Variants in TAFA2 observed in about 807,000 individuals in gnomAD.
TAFA2 encodes TAFA chemokine like family member 2.
A neutral mutation model predicts 18.8 loss-of-function variants in TAFA2; 7 were observed. That is an observed-to-expected ratio of 0.37 (90% confidence interval 0.21 to 0.70). TAFA2 has a LOEUF of 0.70. TAFA2 is among the 30% of genes least tolerant of loss of function. The probability of loss-of-function intolerance (pLI) is 0.53; values close to 1 mark genes in which losing one functional copy is unlikely to be tolerated. For missense variants in TAFA2, 122 were observed against 158.1 expected (o/e 0.77, Z 1.23); for synonymous variants, 60 against 54.2 (o/e 1.11, Z -0.47).
At chr12:62,156,997 G>A (rs1453874589) in intron 1 of TAFA2, among the ~76,000 whole-genome samples, 1 of 151,988 alleles carries the variant, frequency 6.6e-6, no homozygotes, top group Admixed American at 6.6e-5. Context: ...TATTTGCCTT[G>A]GATGACTAAA....
chr12:62,150,763 A>T (rs1362234749), intron 1 of TAFA2, among the ~76,000 whole-genome samples: 1 of 151,990 alleles, frequency 6.6e-6, no homozygotes. Context: ...AAACTTCGCC[A>T]GGCATGGTGG....
At chr12:61,804,270 C>T (rs1458551068) in intron 2 of TAFA2, among the ~76,000 whole-genome samples, 1 of 152,014 alleles carries the variant, frequency 6.6e-6, no homozygotes, top group East Asian at 1.9e-4. Flanking sequence ...GTCCATTTCA[C>T]TATTACTGTT....
chr12:61,963,543 GT>G (rs1878963359), intron 1 of TAFA2, among the ~76,000 whole-genome samples: 1 of 151,916 alleles, frequency 6.6e-6, no homozygotes, highest in African/African-American at 2.4e-5. Context: ...TGATGGGGTT[GT>G]TTAGGGTTTT....
rs187410517 is a variant in TAFA2 at position 62,083,105 on chromosome 12, C to T, written c.-2+108154G>A. Among the ~76,000 whole-genome samples, 12 of 151,970 alleles carry T rather than the reference C, an allele frequency of 7.9e-5. 1 individual carries two copies. Among genetic ancestry groups the T allele is most frequent in the Admixed American group, 6.6e-4 (10 of 15,238 alleles). On this transcript the variant is annotated intron_variant, in intron 1 of 4. Coordinates refer to ENST00000416284, the MANE Select transcript of TAFA2 (RefSeq NM_178539.5). ...GCTTTTAACCAGTAGGCTCTGTTACCCAGTAAATATTTGCTGAGCATCTTC... is the reference window on the plus strand; with the variant it reads ...GCTTTTAACCAGTAGGCTCTGTTACTCAGTAAATATTTGCTGAGCATCTTC...
chr12:62,003,523 G>A (rs570436147), intron 1 of TAFA2, among the ~76,000 whole-genome samples: 6 of 152,216 alleles, frequency 3.9e-5, no homozygotes, highest in African/African-American at 1.4e-4. Context: ...GCTTCTGAAT[G>A]TGGCTTACTC....
At chr12:62,111,567 G>C (rs1869732328) in intron 1 of TAFA2, among the ~76,000 whole-genome samples, 1 of 152,148 alleles carries the variant, frequency 6.6e-6, no homozygotes, top group Admixed American at 6.5e-5. Context: ...TCATTGATCT[G>C]TCTAATACTG....
At chr12:62,092,319 C>G (rs1369464012) in intron 1 of TAFA2, among the ~76,000 whole-genome samples, 1 of 151,962 alleles carries the variant, frequency 6.6e-6, no homozygotes, top group South Asian at 2.1e-4. Context: ...CTTCTATTAC[C>G]CCATTTCTCT....
intron 1 of TAFA2, among the ~76,000 whole-genome samples, chr12:62,198,785 C>T (rs2062659478): frequency 6.6e-6 from 1 of 152,186 alleles, no homozygotes; most frequent in African/African-American, 2.4e-5. Flanking sequence ...CTTATGCTAT[C>T]CCCATCCCCT....
At chr12:62,054,977 T>A (rs1882149867) in intron 1 of TAFA2, among the ~76,000 whole-genome samples, 1 of 152,232 alleles carries the variant, frequency 6.6e-6, no homozygotes, top group Admixed American at 6.5e-5. Flanking sequence ...CTATAGACAA[T>A]GTTTGTATCC....
At chr12:62,021,613 C>T (rs1881142647) in intron 1 of TAFA2, 1 of 1,084,632 alleles carries the variant, frequency 9.2e-7, no homozygotes, top group Non-Finnish European at 1.4e-6. Context: ...TTCTGGCTTC[C>T]CACCCTTCTG....
chr12:62,133,621 A>G (rs78630834), intron 1 of TAFA2, among the ~76,000 whole-genome samples: 2,758 of 152,156 alleles, frequency 0.018, 79 homozygotes, highest in African/African-American at 0.061. Flanking sequence ...TTGCTTACAA[A>G]TGAAAGTTCT....
At chr12:61,731,416 T>C (rs1440757764) in intron 4 of TAFA2, among the ~76,000 whole-genome samples, 4 of 152,144 alleles carry the variant, frequency 2.6e-5, no homozygotes, top group African/African-American at 9.6e-5. Flanking sequence ...TGCAAGTTAG[T>C]CCTACCTCCT....
At chr12:61,962,371 G>A (rs192926852) in intron 1 of TAFA2, among the ~76,000 whole-genome samples, 1 of 151,870 alleles carries the variant, frequency 6.6e-6, no homozygotes, top group Admixed American at 6.6e-5. Context: ...GTGCTCAAAT[G>A]CATGTAACTA....
chr12:61,910,160 T>A (rs1876548607), intron 1 of TAFA2, among the ~76,000 whole-genome samples: 1 of 151,294 alleles, frequency 6.6e-6, no homozygotes, highest in African/African-American at 2.4e-5. Context: ...GTTATGCTAA[T>A]CCATCTAACC....
intron 1 of TAFA2, among the ~76,000 whole-genome samples, chr12:62,082,274 T>C (rs910210479): frequency 2.0e-5 from 3 of 152,238 alleles, no homozygotes; most frequent in African/African-American, 7.2e-5. Flanking sequence ...TGTATCTTTA[T>C]AATAGAACAA....
At chr12:61,855,577 T>C (rs1465054302) in intron 2 of TAFA2, among the ~76,000 whole-genome samples, 1 of 152,204 alleles carries the variant, frequency 6.6e-6, no homozygotes, top group Non-Finnish European at 1.5e-5. Flanking sequence ...ATATTTCATC[T>C]AATAATATAT....
At chr12:61,751,744 C>T (rs781452125) in intron 4 of TAFA2, among the ~76,000 whole-genome samples, 13 of 152,134 alleles carry the variant, frequency 8.5e-5, no homozygotes, top group African/African-American at 2.9e-4. Flanking sequence ...AGTTCTCAGT[C>T]TCTCATCCAC....
In TAFA2 at chr12:62,040,771, A is replaced by G. The variant is rs79810090; in HGVS notation, c.-2+150488T>C. Reference sequence around the variant, plus strand: ...GAACAAAACGAAGTACCCACGAATGACACTAAGAGGCCATGTTTAAAGGGA... The same window carrying G: ...GAACAAAACGAAGTACCCACGAATGGCACTAAGAGGCCATGTTTAAAGGGA... On this transcript the variant is annotated intron_variant, in intron 1 of 4. Coordinates refer to ENST00000416284, the MANE Select transcript of TAFA2 (RefSeq NM_178539.5). Among the ~76,000 whole-genome samples the G allele has an allele frequency of 2.9e-4, 44 of 152,316 alleles. No individual in the cohort carries two copies. The East Asian group carries it at 7.5e-3, about 26-fold the overall frequency.
rs1464476387 is a variant in TAFA2, at chr12:61,753,642, T to G, written c.364A>C (p.Asn122His). 6.2e-7 allele frequency: 1 copy of G among 1,612,300 alleles called. No individual in the cohort carries two copies. The highest frequency in any genetic ancestry group is 1.1e-5 in the South Asian group (1 of 90,958). The part of the protein sequence containing the change: ...DRKGWSCSSG[N>H]KVKTTRVTH The stretch of plus-strand genomic sequence containing the variant: ...CTTACCCTAGTTGTTTTGACTTTAT[T>G]CCCAGAGGAACAGCTCCATCCTTTC... The change falls in exon 4 of 5, where the codon AAT (asparagine) becomes CAT (histidine). Residue 122 changes from asparagine to histidine, a missense_variant. Asn to His is a moderately conservative substitution (Grantham distance 68). Coordinates refer to ENST00000416284, the MANE Select transcript of TAFA2 (RefSeq NM_178539.5).
Sources: allele counts gnomAD v4.1 joint callset (sites outside exome capture counted in the v4.1 genomes callset), GRCh38; gene constraint gnomAD v4.1.1; transcripts MANE v1.5; gene names NCBI Gene and HGNC (gene_info 2026-07-23, HGNC 2026-07-21).